CDKL1: variants seen among roughly 807,000 people sequenced by gnomAD.
The protein encoded by CDKL1 is cyclin dependent kinase like 1.
CDKL1 carries 41 observed loss-of-function variants against 42.0 expected under a neutral mutation model. The observed-to-expected ratio is 0.98, with a 90% CI of 0.76 to 1.27. The LOEUF (loss-of-function observed/expected upper bound fraction) is 1.27. Ranked by LOEUF, CDKL1 falls within the 50% of genes most tolerant of loss-of-function variation. The pLI, the probability that CDKL1 is intolerant of heterozygous loss-of-function variation, is 0.00. For missense variants in CDKL1, 394 were observed against 428.4 expected, an observed-to-expected ratio of 0.92 and a Z score of 0.71; for synonymous variants, 153 against 158.6, an observed-to-expected ratio of 0.96 and a Z score of 0.26.
chr14:50,351,201 A>G (rs1189092840), intron 3 of CDKL1, among the ~76,000 whole-genome samples: 1 of 152,174 alleles, frequency 6.6e-6, no homozygotes, highest in African/African-American at 2.4e-5. Flanking sequence ...AAACCCAGAA[A>G]GAGGAAGACA....
intron 2 of CDKL1, among the ~76,000 whole-genome samples, chr14:50,389,345 T>A (rs2035184709): frequency 6.6e-6 from 1 of 152,138 alleles, no homozygotes; most frequent in African/African-American, 2.4e-5. Flanking sequence ...GCACCTTTTT[T>A]CATTTCTCTC....
intron 3 of CDKL1, chr14:50,357,068 A>G (rs2034077569): frequency 6.6e-6 from 1 of 152,256 alleles, no homozygotes; most frequent in African/African-American, 2.4e-5. Flanking sequence ...AGCCATGAGT[A>G]ACTTATATTA....
intron 2 of CDKL1, among the ~76,000 whole-genome samples, chr14:50,372,832 T>C (rs1424124877): frequency 2.0e-5 from 3 of 152,218 alleles, no homozygotes. Flanking sequence ...CAAAGATCAA[T>C]TGACCATTCA....
chr14:50,352,335 A>AT (rs1555340817), intron 3 of CDKL1, among the ~76,000 whole-genome samples: 122 of 151,846 alleles, frequency 8.0e-4, no homozygotes, highest in African/African-American at 2.9e-3. Flanking sequence ...TATAAGAAAA[A>AT]ATATATATAT....
intron 2 of CDKL1, among the ~76,000 whole-genome samples, chr14:50,381,791 G>A (rs1267884548): frequency 6.6e-6 from 1 of 151,242 alleles, no homozygotes; most frequent in Non-Finnish European, 1.5e-5. Context: ...TGTTTGTTTA[G>A]ATAAAGGGTT....
Position 50,347,180 on chromosome 14 carries a change from C to T in CDKL1, c.291-2122G>A, listed in dbSNP as rs549188656. On this transcript the variant is annotated intron_variant, in intron 3 of 9. Coordinates refer to ENST00000395834, the MANE Select transcript of CDKL1 (RefSeq NM_004196.7). Reference sequence around the variant, plus strand: ...CTTGAACTGGCTACTCACTTCACTTCTTTACTCAGTTTCTTTTCTGTAATG... The same window carrying T: ...CTTGAACTGGCTACTCACTTCACTTTTTTACTCAGTTTCTTTTCTGTAATG... 1.2e-3 allele frequency among the ~76,000 whole-genome samples: 189 copies of T among 152,310 alleles called. 2 individuals carry two copies. The highest frequency in any genetic ancestry group is 4.4e-3 in the African/African-American group (184 of 41,578).
intron 3 of CDKL1, among the ~76,000 whole-genome samples, chr14:50,345,481 A>G (rs1167128262): frequency 6.6e-6 from 1 of 152,222 alleles, no homozygotes; most frequent in African/African-American, 2.4e-5. Flanking sequence ...CCAAACAGAC[A>G]GCCTTGAAGC....
At chr14:50,382,781 A>G (rs918232954) in intron 2 of CDKL1, among the ~76,000 whole-genome samples, 6 of 152,038 alleles carry the variant, frequency 3.9e-5, no homozygotes, top group African/African-American at 1.5e-4. Flanking sequence ...TTTTGTAGAG[A>G]CAAAGTTTCA....
intron 2 of CDKL1, among the ~76,000 whole-genome samples, chr14:50,369,999 A>G (rs1227130108): frequency 6.6e-6 from 1 of 152,092 alleles, no homozygotes; most frequent in Non-Finnish European, 1.5e-5. Flanking sequence ...GCTAATTAAC[A>G]TATATCCATC....
At chr14:50,356,962 G>A (rs1027881420) in intron 3 of CDKL1, 15 of 152,070 alleles carry the variant, frequency 9.9e-5, no homozygotes, top group Non-Finnish European at 1.2e-4. Flanking sequence ...CAAAAAAAGA[G>A]CTGACTTTCA....
chr14:50,360,939 T>C (rs1214246353), intron 2 of CDKL1, among the ~76,000 whole-genome samples: 3 of 152,220 alleles, frequency 2.0e-5, no homozygotes, highest in African/African-American at 4.8e-5. Flanking sequence ...TATCCATTCA[T>C]CTTTTGATCT....
intron 9 of CDKL1, chr14:50,330,918 A>T (rs2032902530): frequency 6.6e-6 from 1 of 152,194 alleles, no homozygotes; most frequent in Admixed American, 6.5e-5. Context: ...CTTTTAAATC[A>T]GTTGATTCTT....
At chr14:50,376,515 T>C in intron 2 of CDKL1, 1 of 329,772 alleles carries the variant, frequency 3.0e-6, no homozygotes, top group South Asian at 3.0e-5. Flanking sequence ...AAATAATAAA[T>C]ATTATGCAGG....
In CDKL1 at chr14:50,326,831, A is replaced by G; in HGVS notation, c.*3243T>C. The G allele has an allele frequency of 1.1e-6, 1 of 897,128 alleles. No individual in the cohort carries two copies. Among genetic ancestry groups the G allele is most frequent in the Non-Finnish European group, 1.3e-6 (1 of 749,580 alleles). The allele number at this position is 897,128 out of a possible 1,614,324, so 55.6% of individuals were successfully genotyped here. On this transcript the variant is annotated 3_prime_UTR_variant, in exon 10 of 10. Transcript: ENST00000395834. The stretch of plus-strand genomic sequence containing the variant: ...TGAGGTGGGAGGATCACTTGAGACC[A>G]GGAGTTTGAGACCAATTTGGGCAAC...
At chr14:50,382,341 C>T (rs186725803) in intron 2 of CDKL1, among the ~76,000 whole-genome samples, 71 of 152,142 alleles carry the variant, frequency 4.7e-4, no homozygotes, top group African/African-American at 1.5e-3. Context: ...TAGTCCCAGC[C>T]ACTCGGGAGG....
intron 2 of CDKL1, chr14:50,378,126 G>A: frequency 7.4e-7 from 1 of 1,351,370 alleles, no homozygotes; most frequent in South Asian, 1.2e-5. Context: ...AACCTTCAGG[G>A]CTAGGAAAAG....
In CDKL1 at chr14:50,329,802, T is replaced by G. The variant is rs538961631; in HGVS notation, c.*272A>C. 3 of 377,458 alleles carry G rather than the reference T, an allele frequency of 7.9e-6. No homozygotes were observed. The highest frequency in any genetic ancestry group is 9.2e-5 in the Admixed American group (2 of 21,656). The allele number at this position is 377,458 out of a possible 1,614,324, so 23.4% of individuals were successfully genotyped here. ...AGTTTTGCCAGAGGTATGGGACAGT[T>G]CATATTCTGTCCATAAGTTCGGCTA... On this transcript the variant is annotated 3_prime_UTR_variant, in exon 10 of 10. Transcript: ENST00000395834.
intron 2 of CDKL1, among the ~76,000 whole-genome samples, chr14:50,378,843 GT>G (rs973077774): frequency 1.3e-5 from 2 of 149,208 alleles, no homozygotes; most frequent in Non-Finnish European, 3.0e-5. Context: ...CACTGTGCCT[GT>G]CAAGACAATC....
rs372485845 is a variant in CDKL1, at chr14:50,386,050, G to T, written c.168+9651C>A. 8.3e-4 allele frequency among the ~76,000 whole-genome samples: 126 copies of T among 152,124 alleles called. 3 individuals are homozygous for T. The South Asian group carries it at 0.025, about 31-fold the overall frequency. On this transcript the variant is annotated intron_variant, in intron 2 of 9. Transcript: ENST00000395834. The stretch of plus-strand genomic sequence containing the variant: ...ACAGAAGAACATCTTTGTTTCAGGA[G>T]ATTATGCTAAATATTTAGGTAGATG...
Sources: allele counts gnomAD v4.1 joint callset (sites outside exome capture counted in the v4.1 genomes callset), GRCh38; gene constraint gnomAD v4.1.1; transcripts MANE v1.5; gene names NCBI Gene and HGNC (gene_info 2026-07-23, HGNC 2026-07-21).